The following CCBE1 variants were observed in gnomAD, a reference collection of about 807,000 sequenced individuals.
The protein encoded by CCBE1 is collagen and calcium binding EGF domains 1, also known as collagen and calcium-binding EGF domain-containing protein 1.
Under a neutral mutation model 50.0 loss-of-function variants are expected in CCBE1, and 37 were observed. The ratio of observed to expected loss-of-function variants is 0.74; its 90% CI spans 0.57 to 0.97. The LOEUF (loss-of-function observed/expected upper bound fraction) is 0.97, where lower values mean the gene tolerates loss of function less well. Among genes scored for constraint, CCBE1 ranks in the 50% least tolerant of loss-of-function variants. The pLI is 0.00. For missense variants in CCBE1, 538 were observed against 523.8 expected, an observed-to-expected ratio of 1.03 and a Z score of -0.26; for synonymous variants, 234 against 203.7, an observed-to-expected ratio of 1.15 and a Z score of -1.27.
At chr18:59,691,834 A>G (rs922634750) in intron 2 of CCBE1, among the ~76,000 whole-genome samples, 6 of 152,198 alleles carry the variant, frequency 3.9e-5, no homozygotes, top group Non-Finnish European at 8.8e-5. Flanking sequence ...CAAGCAGAGG[A>G]GAGAGAAATC....
chr18:59,511,478 C>T (rs1914129065), intron 2 of CCBE1, among the ~76,000 whole-genome samples: 1 of 152,164 alleles, frequency 6.6e-6, no homozygotes, highest in African/African-American at 2.4e-5. Flanking sequence ...ATCAAATTTG[C>T]TTAGGAGGTT....
At chr18:59,678,187 T>C (rs2054534051) in intron 2 of CCBE1, among the ~76,000 whole-genome samples, 1 of 152,024 alleles carries the variant, frequency 6.6e-6, no homozygotes, top group African/African-American at 2.4e-5. Flanking sequence ...ACTCAAAAAC[T>C]GAAAAAGTTA....
chr18:59,518,638 C>T (rs139938975), intron 2 of CCBE1, among the ~76,000 whole-genome samples: 30 of 152,246 alleles, frequency 2.0e-4, no homozygotes, highest in Non-Finnish European at 3.4e-4. Context: ...AGAGTACATG[C>T]GACACGTGGA....
At chr18:59,562,487 A>C (rs1038062706) in intron 2 of CCBE1, among the ~76,000 whole-genome samples, 7 of 152,110 alleles carry the variant, frequency 4.6e-5, no homozygotes, top group Middle Eastern at 3.4e-3. Flanking sequence ...GAAATGACAT[A>C]ATGTGGGCCC....
chr18:59,603,603 G>A (rs569715022), intron 2 of CCBE1, among the ~76,000 whole-genome samples: 1 of 152,238 alleles, frequency 6.6e-6, no homozygotes, highest in South Asian at 2.1e-4. Context: ...ATATGTTCCT[G>A]TGTTGTTATT....
At chr18:59,677,935 A>G (rs1439946080) in intron 2 of CCBE1, among the ~76,000 whole-genome samples, 1 of 152,226 alleles carries the variant, frequency 6.6e-6, no homozygotes, top group African/African-American at 2.4e-5. Context: ...AAAGAAAGGA[A>G]AAGCAATCCT....
intron 2 of CCBE1, among the ~76,000 whole-genome samples, chr18:59,620,654 A>G (rs2053699600): frequency 6.6e-6 from 1 of 152,260 alleles, no homozygotes; most frequent in South Asian, 2.1e-4. Context: ...ATAATAGTGA[A>G]TAAGTCTCAC....
At chr18:59,586,554 C>T (rs1436058945) in intron 2 of CCBE1, among the ~76,000 whole-genome samples, 1 of 152,142 alleles carries the variant, frequency 6.6e-6, no homozygotes, top group Non-Finnish European at 1.5e-5. Flanking sequence ...ATCCCTTCAT[C>T]AAACCCTAGA....
intron 2 of CCBE1, among the ~76,000 whole-genome samples, chr18:59,523,761 T>C (rs1486424312): frequency 6.6e-6 from 1 of 152,174 alleles, no homozygotes; most frequent in East Asian, 1.9e-4. Flanking sequence ...CATTCTATGG[T>C]TCACAAAGGG....
chr18:59,584,322 A>G (rs1454068675), intron 2 of CCBE1, among the ~76,000 whole-genome samples: 21 of 133,980 alleles, frequency 1.6e-4, no homozygotes, highest in Admixed American at 2.5e-4. Flanking sequence ...GACACAGGAA[A>G]GGGAACATCA....
chr18:59,488,219 A>ATTCC (rs1912916378), intron 2 of CCBE1, among the ~76,000 whole-genome samples: 1 of 152,236 alleles, frequency 6.6e-6, no homozygotes. Flanking sequence ...TGGGTAACGG[A>ATTCC]TACAGAGTTT....
intron 2 of CCBE1, among the ~76,000 whole-genome samples, chr18:59,516,474 G>A (rs1914377165): frequency 6.6e-6 from 1 of 152,222 alleles, no homozygotes; most frequent in Non-Finnish European, 1.5e-5. Context: ...GTAGCTGCCA[G>A]TGTTTGTTGT....
At chr18:59,492,144 C>CAAAAAAAAAAAAAAAAA in intron 2 of CCBE1, among the ~76,000 whole-genome samples, 1 of 78,424 alleles carries the variant, frequency 1.3e-5, no homozygotes, top group Non-Finnish European at 2.4e-5. Flanking sequence ...GACTTTGTCT[C>CAAAAAAAAAAAAAAAAA]AAAAAAAAAA....
At chr18:59,521,936 T>C (rs1432463214) in intron 2 of CCBE1, among the ~76,000 whole-genome samples, 2 of 152,210 alleles carry the variant, frequency 1.3e-5, no homozygotes, top group African/African-American at 4.8e-5. Context: ...CTAATTCTCA[T>C]ATATGCTGTT....
At chr18:59,647,394 G>A (rs1007687378) in intron 2 of CCBE1, among the ~76,000 whole-genome samples, 2 of 152,154 alleles carry the variant, frequency 1.3e-5, no homozygotes, top group Admixed American at 1.3e-4. Context: ...AAGACTGGAA[G>A]GATATGCACT....
chr18:59,448,107 C>A lies in CCBE1; in HGVS notation c.655-4G>T, dbSNP rs769383551. 6.2e-7 allele frequency: 1 copy of A among 1,613,668 alleles called. No homozygotes were observed. The highest frequency in any genetic ancestry group is 8.5e-7 in the Non-Finnish European group (1 of 1,179,986). Reference sequence around the variant, plus strand: ...CATTGTTGGGGAGCAGAGCAATCTGCAAGGAGAAGAGGAAGCCTCAGTCAG... The same window carrying A: ...CATTGTTGGGGAGCAGAGCAATCTGAAAGGAGAAGAGGAAGCCTCAGTCAG... On this transcript the variant is annotated splice_polypyrimidine_tract_variant and splice_region_variant and intron_variant, in intron 6 of 10. Coordinates refer to ENST00000439986, the MANE Select transcript of CCBE1 (RefSeq NM_133459.4).
At chr18:59,500,568 GT>G (rs914825980) in intron 2 of CCBE1, among the ~76,000 whole-genome samples, 6 of 152,162 alleles carry the variant, frequency 3.9e-5, no homozygotes, top group African/African-American at 1.2e-4. Flanking sequence ...ACCCTCCAAA[GT>G]CCCCATGGCA....
chr18:59,520,617 C>T (rs149651304), intron 2 of CCBE1, among the ~76,000 whole-genome samples: 208 of 152,354 alleles, frequency 1.4e-3, no homozygotes, highest in African/African-American at 4.8e-3. Context: ...TGTGCGCCTG[C>T]ACACACACAT....
intron 3 of CCBE1, among the ~76,000 whole-genome samples, chr18:59,472,631 C>G (rs544995684): frequency 6.6e-6 from 1 of 152,162 alleles, no homozygotes; most frequent in Non-Finnish European, 1.5e-5. Context: ...TTACCAGCAC[C>G]GCGCCCAGCC....
Sources: allele counts gnomAD v4.1 joint callset (sites outside exome capture counted in the v4.1 genomes callset), GRCh38; gene constraint gnomAD v4.1.1; transcripts MANE v1.5; gene names NCBI Gene and HGNC (gene_info 2026-07-23, HGNC 2026-07-21).